Variants in FAM153A observed in about 807,000 individuals in gnomAD.
The protein encoded by FAM153A is protein FAM153A.
Under a neutral mutation model 48.1 loss-of-function variants are expected in FAM153A, and 12 were observed. That is an observed-to-expected ratio of 0.25 (90% CI 0.16 to 0.40). The LOEUF (loss-of-function observed/expected upper bound fraction) is 0.40. FAM153A is among the 10% of genes least tolerant of loss of function. The pLI is 1.00. For synonymous variants in FAM153A, 36 were observed against 118.2 expected (o/e 0.30, Z 4.51); for missense variants, 111 against 345.8 (o/e 0.32, Z 5.38).
chr5:177,706,528 T>C (rs1757907958), downstream of FAM153A, among the ~76,000 whole-genome samples: 1 of 152,036 alleles, frequency 6.6e-6, no homozygotes. Flanking sequence ...TAACATGTAA[T>C]TTTTAAGAGT....
chr5:177,781,401 C>G (rs1157695774), upstream of FAM153A, among the ~76,000 whole-genome samples: 18 of 142,008 alleles, frequency 1.3e-4, no homozygotes, highest in South Asian at 2.2e-3. Flanking sequence ...GATTACAGGC[C>G]TGAGCCACCG....
chr5:177,718,846 C>A (rs542532251), downstream of FAM153A, among the ~76,000 whole-genome samples: 603 of 148,556 alleles, frequency 4.1e-3, 12 homozygotes, highest in African/African-American at 0.014. Flanking sequence ...AATTTGTAAT[C>A]AAAAATACCC....
At chr5:177,737,305 C>G (rs2127649791) in intron 10 of FAM153A, among the ~76,000 whole-genome samples, 193 bp from the exon 13 acceptor site, 1 of 151,882 alleles carries the variant, frequency 6.6e-6, no homozygotes, top group East Asian at 1.9e-4. Context: ...CCTCAGAAGA[C>G]AGAGCCTTGG....
At chr5:177,695,505 T>C in the FAM153A span, among the ~76,000 whole-genome samples, 10 of 152,384 alleles carry the variant, frequency 6.6e-5, no homozygotes, top group African/African-American at 1.9e-4. Flanking sequence ...ACAAAGCACA[T>C]CTTGCACCGC....
chr5:177,755,306 A>G (rs1352282943), upstream of FAM153A, among the ~76,000 whole-genome samples: 1 of 151,814 alleles, frequency 6.6e-6, no homozygotes, highest in African/African-American at 2.4e-5. Flanking sequence ...AAAGAAACAA[A>G]CAAAGCCTCC....
At chr5:177,755,265 C>G (rs569316115), upstream of FAM153A, among the ~76,000 whole-genome samples, 3 of 150,934 alleles carry the variant, frequency 2.0e-5, no homozygotes, top group Admixed American at 6.6e-5. Context: ...TGAAATGAAG[C>G]GAGAAGAGAA....
At chr5:177,702,895 A>C in the FAM153A span, among the ~76,000 whole-genome samples, 2 of 152,016 alleles carry the variant, frequency 1.3e-5, no homozygotes, top group Admixed American at 1.3e-4. Flanking sequence ...CTGAATGTCT[A>C]AGCAGAAGCC....
At chr5:177,703,064 A>G (rs1274683608), downstream of FAM153A, among the ~76,000 whole-genome samples, 1 of 152,126 alleles carries the variant, frequency 6.6e-6, no homozygotes, top group Admixed American at 6.5e-5. Flanking sequence ...GAGATCCACC[A>G]TCTTCCAGAC....
At chr5:177,755,046 G>C (rs1197229930), upstream of FAM153A, among the ~76,000 whole-genome samples, 1 of 151,872 alleles carries the variant, frequency 6.6e-6, no homozygotes, top group Non-Finnish European at 1.5e-5. Flanking sequence ...TGAGCTAAAG[G>C]AGGAAGTTCA....
intron 14 of FAM153A, 152 bp downstream of exon 16, chr5:177,734,228 A>G (rs1228224215): frequency 6.0e-5 from 27 of 448,646 alleles, no homozygotes; most frequent in Non-Finnish European, 1.0e-4. Flanking sequence ...TTTCTTATCT[A>G]GAAAACCATT....
chr5:177,770,069 C>G (rs1309304953), intron 1 of FAM153A, among the ~76,000 whole-genome samples: 6 of 129,464 alleles, frequency 4.6e-5, no homozygotes, highest in African/African-American at 1.9e-4. Flanking sequence ...GTCATCATAA[C>G]ACAGACTGTT....
chr5:177,712,368 A>C (rs187368561), exon 27 of FAM153A: 2 of 151,958 alleles, frequency 1.3e-5, no homozygotes, highest in Admixed American at 6.6e-5. Context: ...GCTACTTGGG[A>C]GGCTGAGGCA....
intron 1 of FAM153A, among the ~76,000 whole-genome samples, chr5:177,752,711 G>A (rs2127696599): frequency 7.6e-6 from 1 of 132,186 alleles, no homozygotes; most frequent in African/African-American, 3.0e-5. Flanking sequence ...AGGTGGATCA[G>A]GAGGTCAGGA....
intron 1 of FAM153A, among the ~76,000 whole-genome samples, chr5:177,759,101 T>C (rs1235080927): frequency 6.6e-6 from 1 of 151,688 alleles, no homozygotes; most frequent in Non-Finnish European, 1.5e-5. Flanking sequence ...ATATCCAGAA[T>C]CTACAAAGAA....
chr5:177,702,427 T>C, the FAM153A span, among the ~76,000 whole-genome samples: 1 of 151,816 alleles, frequency 6.6e-6, no homozygotes, highest in Non-Finnish European at 1.5e-5. Context: ...TTGGAACTTA[T>C]ATTTAAAGGG....
the FAM153A span, among the ~76,000 whole-genome samples, chr5:177,695,920 C>CT: frequency 0.018 from 1,878 of 102,414 alleles, 126 homozygotes; most frequent in African/African-American, 0.058. Flanking sequence ...ACAGGGTGGC[C>CT]GGGCAGGGGC....
downstream of FAM153A, among the ~76,000 whole-genome samples, chr5:177,709,507 G>A (rs1016844846): frequency 2.7e-5 from 4 of 147,528 alleles, no homozygotes; most frequent in East Asian, 2.0e-4. Flanking sequence ...GATTACAGGC[G>A]CCCGCCACTA....
exon 27 of FAM153A, chr5:177,711,472 A>G (rs1758465043): frequency 6.6e-6 from 1 of 151,772 alleles, no homozygotes; most frequent in Non-Finnish European, 1.5e-5. Context: ...TGGAGAAGCC[A>G]TGACTTTTAA....
intron 10 of FAM153A, among the ~76,000 whole-genome samples, chr5:177,737,490 G>A (rs79820182): frequency 0.26 from 39,875 of 150,588 alleles, 5,960 homozygotes; most frequent in South Asian, 0.38. Flanking sequence ...CACATGTCCT[G>A]CTGCTGTGTA....
Sources: allele counts gnomAD v4.1 joint callset (sites outside exome capture counted in the v4.1 genomes callset), GRCh38; gene constraint gnomAD v4.1.1; transcripts MANE v1.5; gene names NCBI Gene and HGNC (gene_info 2026-07-23, HGNC 2026-07-21).